Variants in SPMIP2 observed in about 807,000 individuals in gnomAD.
SPMIP2 encodes the protein protein SPMIP2.
chr4:159,034,330 C>G, the SPMIP2 span, among the ~76,000 whole-genome samples: 59 of 152,254 alleles, frequency 3.9e-4, no homozygotes, highest in Admixed American at 3.3e-3. Context: ...ATATCCTGCT[C>G]AAATTTTTAT....
chr4:158,967,061 A>G, the SPMIP2 span, among the ~76,000 whole-genome samples: 1 of 152,206 alleles, frequency 6.6e-6, no homozygotes, highest in Non-Finnish European at 1.5e-5. Flanking sequence ...GGTACACATC[A>G]GTGATACACG....
At chr4:159,035,552 T>A in the SPMIP2 span, among the ~76,000 whole-genome samples, 1,398 of 152,240 alleles carry the variant, frequency 9.2e-3, 25 homozygotes, top group African/African-American at 0.032. Context: ...ACTGGCAAGA[T>A]AAAATACAGT....
chr4:159,063,260 A>G, the SPMIP2 span, among the ~76,000 whole-genome samples: 9 of 152,214 alleles, frequency 5.9e-5, no homozygotes, highest in Admixed American at 5.9e-4. Flanking sequence ...CTGTGTTCTA[A>G]AAACAAACTT....
chr4:159,035,277 C>T, the SPMIP2 span: 1 of 557,230 alleles, frequency 1.8e-6, no homozygotes, highest in South Asian at 2.7e-5. Flanking sequence ...CAGAGTTCTG[C>T]ATTCCAATCT....
the SPMIP2 span, among the ~76,000 whole-genome samples, chr4:158,957,941 G>T: frequency 6.6e-6 from 1 of 152,294 alleles, no homozygotes; most frequent in Non-Finnish European, 1.5e-5. Flanking sequence ...CCATAAGCAT[G>T]AATTATATTT....
chr4:158,956,835 A>C, the SPMIP2 span, among the ~76,000 whole-genome samples: 3 of 152,300 alleles, frequency 2.0e-5, no homozygotes, highest in Admixed American at 2.0e-4. Context: ...CCAGCTCTCC[A>C]TAATTACATT....
At chr4:159,064,697 AACT>A in the SPMIP2 span, among the ~76,000 whole-genome samples, 4 of 152,208 alleles carry the variant, frequency 2.6e-5, no homozygotes, top group Admixed American at 6.5e-5. Flanking sequence ...ATTTTGTGAA[AACT>A]ACATTAATTA....
the SPMIP2 span, among the ~76,000 whole-genome samples, chr4:159,001,137 A>G: frequency 1.3e-5 from 2 of 152,136 alleles, no homozygotes; most frequent in African/African-American, 2.4e-5. Flanking sequence ...TGAGAGTTCT[A>G]TTTTCTCCAC....
At chr4:159,032,219 CA>C in the SPMIP2 span, among the ~76,000 whole-genome samples, 1,748 of 145,122 alleles carry the variant, frequency 0.012, 27 homozygotes, top group African/African-American at 0.033. Context: ...GAGACTGTCT[CA>C]AAAAAAAAAA....
At chr4:158,990,986 C>T in the SPMIP2 span, among the ~76,000 whole-genome samples, 4 of 152,166 alleles carry the variant, frequency 2.6e-5, no homozygotes, top group African/African-American at 7.2e-5. Context: ...AATAATAGTG[C>T]TCTAAAGACT....
chr4:159,040,183 CT>C, the SPMIP2 span, among the ~76,000 whole-genome samples: 8 of 151,246 alleles, frequency 5.3e-5, no homozygotes, highest in African/African-American at 2.0e-4. Flanking sequence ...TGTATTTTTT[CT>C]TTTTTGGGAC....
the SPMIP2 span, among the ~76,000 whole-genome samples, chr4:158,911,347 C>CAAATAAAT: frequency 0.06 from 8,522 of 141,262 alleles, 399 homozygotes; most frequent in African/African-American, 0.12. Context: ...GACTCCGTCT[C>CAAATAAAT]AAATAAATAA....
the SPMIP2 span, among the ~76,000 whole-genome samples, chr4:159,018,819 A>AGTG: frequency 6.6e-6 from 1 of 152,306 alleles, no homozygotes; most frequent in South Asian, 2.1e-4. Flanking sequence ...GGCTGGGCAC[A>AGTG]GTGGCTCACG....
At chr4:159,050,945 A>G in the SPMIP2 span, among the ~76,000 whole-genome samples, 3 of 152,054 alleles carry the variant, frequency 2.0e-5, no homozygotes, top group Admixed American at 6.6e-5. Context: ...CATCTCTACT[A>G]AAAATACAAA....
the SPMIP2 span, among the ~76,000 whole-genome samples, chr4:159,049,288 G>T: frequency 1.3e-5 from 2 of 152,166 alleles, no homozygotes; most frequent in African/African-American, 4.8e-5. Context: ...CTGCACACAA[G>T]TCTAAGAATT....
chr4:159,025,644 A>G, the SPMIP2 span, among the ~76,000 whole-genome samples: 1 of 152,344 alleles, frequency 6.6e-6, no homozygotes, highest in African/African-American at 2.4e-5. Flanking sequence ...AAGAATTTTA[A>G]GATGGTTTTG....
At chr4:158,981,010 G>T in the SPMIP2 span, among the ~76,000 whole-genome samples, 1 of 152,318 alleles carries the variant, frequency 6.6e-6, no homozygotes, top group Non-Finnish European at 1.5e-5. Context: ...GAAGAACATA[G>T]ATGACCTGAT....
chr4:158,928,180 A>C, the SPMIP2 span, among the ~76,000 whole-genome samples: 1 of 152,142 alleles, frequency 6.6e-6, no homozygotes, highest in Non-Finnish European at 1.5e-5. Context: ...TCTGGTGGGG[A>C]TGTGGAGAAC....
At chr4:159,069,526 C>T in the SPMIP2 span, among the ~76,000 whole-genome samples, 16 of 151,382 alleles carry the variant, frequency 1.1e-4, no homozygotes, top group African/African-American at 3.6e-4. Context: ...CTCAACCTCC[C>T]CAGGCTCAAG....
Sources: allele counts gnomAD v4.1 joint callset (sites outside exome capture counted in the v4.1 genomes callset), GRCh38; gene constraint gnomAD v4.1.1; transcripts MANE v1.5; gene names NCBI Gene and HGNC (gene_info 2026-07-23, HGNC 2026-07-21).